AGBL4: variants seen among roughly 807,000 people sequenced by gnomAD.
AGBL4 encodes cytosolic carboxypeptidase 6.
A neutral mutation model predicts 66.4 loss-of-function variants in AGBL4; 58 were observed. The observed-to-expected ratio is 0.87, with a 90% CI of 0.71 to 1.09. The LOEUF is 1.09. Among genes scored for constraint, AGBL4 ranks in the 50% least tolerant of loss-of-function variants. The pLI is 0.00. For missense variants in AGBL4, 579 were observed against 631.0 expected (o/e 0.92, Z 0.88); for synonymous variants, 234 against 222.9 (o/e 1.05, Z -0.44).
At chr1:49,103,244 T>A (rs1306566219) in intron 4 of AGBL4, among the ~76,000 whole-genome samples, 2 of 152,106 alleles carry the variant, frequency 1.3e-5, no homozygotes, top group African/African-American at 4.8e-5. Flanking sequence ...CTTATAGCAA[T>A]ATTTTTGCAA....
At chr1:49,622,506 G>A (rs1645382045) in intron 3 of AGBL4, among the ~76,000 whole-genome samples, 1 of 149,490 alleles carries the variant, frequency 6.7e-6, no homozygotes, top group Non-Finnish European at 1.5e-5. Flanking sequence ...GCGGGCGCCT[G>A]TAGTCCCAGC....
chr1:49,842,780 G>A (rs1353978265), intron 2 of AGBL4, among the ~76,000 whole-genome samples: 2 of 151,976 alleles, frequency 1.3e-5, no homozygotes, highest in Non-Finnish European at 2.9e-5. Context: ...TCTCTAAGGA[G>A]GTGACATGTG....
chr1:49,768,651 A>G (rs1557427963), intron 2 of AGBL4, among the ~76,000 whole-genome samples: 1 of 152,150 alleles, frequency 6.6e-6, no homozygotes, highest in Non-Finnish European at 1.5e-5. Context: ...CTCCTATTCA[A>G]CATATTACCG....
chr1:48,909,767 T>C (rs1343762293), intron 5 of AGBL4, among the ~76,000 whole-genome samples: 1 of 152,242 alleles, frequency 6.6e-6, no homozygotes, highest in Non-Finnish European at 1.5e-5. Context: ...ACCATTCTTT[T>C]AGTACATGTA....
At chr1:49,917,325 T>A (rs11485576) in intron 1 of AGBL4, among the ~76,000 whole-genome samples, 78,377 of 151,494 alleles carry the variant, frequency 0.52, 21,569 homozygotes, top group Non-Finnish European at 0.62. Context: ...ATCAGTGTGC[T>A]GTATTCAGGA....
rs114879513 is a variant in AGBL4, at chr1:48,668,911, G to A, written c.635-5670C>T. 5.4e-3 allele frequency among the ~76,000 whole-genome samples: 827 copies of A among 152,258 alleles called. 10 individuals are homozygous for A. The highest frequency in any genetic ancestry group is 0.019 in the African/African-American group (788 of 41,556). ...TCAATAGAGCTTTCCTGGAGGCAGC[G>A]GAGAAGCACTAAATGCATTTGGGTA... On this transcript the variant is annotated intron_variant, in intron 6 of 13. Transcript: ENST00000371839.
chr1:49,928,693 C>T (rs929572451), intron 1 of AGBL4, among the ~76,000 whole-genome samples: 3 of 151,990 alleles, frequency 2.0e-5, no homozygotes, highest in Admixed American at 6.6e-5. Context: ...GCCAAGAAAC[C>T]AGAATAGAAT....
intron 5 of AGBL4, among the ~76,000 whole-genome samples, chr1:48,899,700 C>T (rs1042753110): frequency 1.3e-5 from 2 of 152,096 alleles, no homozygotes; most frequent in African/African-American, 2.4e-5. Flanking sequence ...AACAAAATGA[C>T]GAGCATTCCA....
intron 6 of AGBL4, among the ~76,000 whole-genome samples, chr1:48,718,036 C>T (rs754252990): frequency 4.6e-5 from 7 of 152,278 alleles, no homozygotes; most frequent in East Asian, 3.9e-4. Context: ...GGGAAAGCAT[C>T]GGCATGCTCC....
Position 48,546,864 on chromosome 1 carries a change from A to C in AGBL4, c.1268-7126T>G, listed in dbSNP as rs11205504. The stretch of plus-strand genomic sequence containing the variant: ...AAATAGCGAGGTAGTAAAACAAACA[A>C]ACACACACACACACACACACACACA... On this transcript the variant is annotated intron_variant, in intron 11 of 13. Coordinates refer to ENST00000371839, the MANE Select transcript of AGBL4 (RefSeq NM_032785.4). Among the ~76,000 whole-genome samples the C allele has an allele frequency of 9.8e-3, 1,261 of 128,348 alleles. 11 individuals are homozygous for C. Among genetic ancestry groups the C allele is most frequent in the East Asian group, 0.03 (130 of 4,362 alleles). The allele number at this position is 128,348 out of a possible 152,430, so 84.2% of individuals were successfully genotyped here.
intron 6 of AGBL4, among the ~76,000 whole-genome samples, chr1:48,749,395 G>A (rs1344027547): frequency 1.3e-5 from 2 of 152,086 alleles, no homozygotes; most frequent in South Asian, 2.1e-4. Context: ...CGTGTTTAGC[G>A]AAAGAAGTTA....
intron 9 of AGBL4, among the ~76,000 whole-genome samples, chr1:48,595,340 G>C (rs1323922839): frequency 6.6e-6 from 1 of 152,190 alleles, no homozygotes; most frequent in Non-Finnish European, 1.5e-5. Flanking sequence ...ATCATTAAAG[G>C]TTTACAAAGG....
chr1:48,587,933 GA>G (rs1644850709), intron 10 of AGBL4, among the ~76,000 whole-genome samples: 1 of 151,802 alleles, frequency 6.6e-6, no homozygotes. Flanking sequence ...TCTTTAAAAA[GA>G]AAAAAAGTAA....
chr1:49,546,868 TG>T (rs1381602295), intron 3 of AGBL4, among the ~76,000 whole-genome samples: 1 of 152,180 alleles, frequency 6.6e-6, no homozygotes, highest in African/African-American at 2.4e-5. Context: ...TTTTTCTTAT[TG>T]ATTTGTTTGA....
Position 48,863,460 on chromosome 1 carries a change from T to C in AGBL4, c.634+3731A>G, listed in dbSNP as rs569156973. On this transcript the variant is annotated intron_variant, in intron 6 of 13. Transcript: ENST00000371839. ...AATTCACCTGTCACAATATAAGGAT[T>C]ATTATACTGTATTTTAAAAATTTAA... Among the ~76,000 whole-genome samples the C allele has an allele frequency of 1.6e-3, 242 of 152,220 alleles. 1 individual carries two copies. In the Middle Eastern group the frequency reaches 0.02, roughly 13 times the overall value.
chr1:49,558,876 G>A (rs1015238416), intron 3 of AGBL4, among the ~76,000 whole-genome samples: 1 of 152,154 alleles, frequency 6.6e-6, no homozygotes, highest in African/African-American at 2.4e-5. Context: ...AGAAAAAAGT[G>A]GAAGTGCTGT....
intron 5 of AGBL4, among the ~76,000 whole-genome samples, chr1:49,023,393 T>C (rs979370381): frequency 1.3e-5 from 2 of 152,138 alleles, no homozygotes; most frequent in African/African-American, 2.4e-5. Context: ...GCTTTGGTAT[T>C]ATCCAGCTGT....
At chr1:48,914,090 T>A (rs1653383375) in intron 5 of AGBL4, among the ~76,000 whole-genome samples, 1 of 152,036 alleles carries the variant, frequency 6.6e-6, no homozygotes, top group East Asian at 1.9e-4. Context: ...GAAATGATAA[T>A]TGAAGCCACG....
At chr1:48,983,508 A>G (rs1557526753) in intron 5 of AGBL4, among the ~76,000 whole-genome samples, 1 of 152,244 alleles carries the variant, frequency 6.6e-6, no homozygotes, top group Non-Finnish European at 1.5e-5. Context: ...AAATAAGATT[A>G]TTGTAAAAGG....
Sources: gnomAD v4.1 joint callset for allele counts (sites outside exome capture counted in the v4.1 genomes callset) on GRCh38, gnomAD v4.1.1 for gene constraint, MANE v1.5 for transcripts, NCBI Gene and HGNC (gene_info 2026-07-23, HGNC 2026-07-21) for gene names.